The following PPARGC1A variants were observed in gnomAD, a reference collection of about 807,000 sequenced individuals.
PPARGC1A encodes the protein PPARG coactivator 1 alpha, also known as peroxisome proliferator-activated receptor gamma coactivator 1-alpha.
A neutral mutation model predicts 88.7 loss-of-function variants in PPARGC1A; 25 were observed. That is an observed-to-expected ratio of 0.28 (90% CI 0.21 to 0.39). The LOEUF is 0.39. PPARGC1A is among the 10% of genes least tolerant of loss of function. PPARGC1A has a pLI of 1.00. For synonymous variants in PPARGC1A, 363 were observed against 355.6 expected (o/e 1.02, Z -0.24); for missense variants, 880 against 968.7 (o/e 0.91, Z 1.22).
chr4:24,006,709 A>G, the PPARGC1A span, among the ~76,000 whole-genome samples: 1 of 151,990 alleles, frequency 6.6e-6, no homozygotes, highest in Non-Finnish European at 1.5e-5. Flanking sequence ...CATATGCCCA[A>G]TTGCTTGAAA....
chr4:24,222,214 T>A, the PPARGC1A span, among the ~76,000 whole-genome samples: 657 of 152,348 alleles, frequency 4.3e-3, 3 homozygotes, highest in Non-Finnish European at 7.1e-3. Context: ...CTCATTAGCA[T>A]AGAGTAGAAA....
the PPARGC1A span, among the ~76,000 whole-genome samples, chr4:24,427,278 A>C: frequency 2.8e-5 from 4 of 144,224 alleles, no homozygotes; most frequent in Admixed American, 1.4e-4. Context: ...TCTATTCTTT[A>C]TTTATTTTTT....
chr4:24,291,914 A>G, the PPARGC1A span, among the ~76,000 whole-genome samples: 1 of 152,226 alleles, frequency 6.6e-6, no homozygotes, highest in East Asian at 1.9e-4. Context: ...GAAAAAAGCT[A>G]TAGTAGCTGG....
chr4:24,064,910 A>G, the PPARGC1A span, among the ~76,000 whole-genome samples: 1 of 152,180 alleles, frequency 6.6e-6, no homozygotes, highest in Admixed American at 6.5e-5. Flanking sequence ...TTCAAAAAAT[A>G]AGGAAATATA....
the PPARGC1A span, among the ~76,000 whole-genome samples, chr4:24,224,413 C>A: frequency 1.3e-5 from 2 of 152,192 alleles, no homozygotes; most frequent in Admixed American, 1.3e-4. Flanking sequence ...GTGCATAGAA[C>A]ATCCTCAAGG....
At chr4:24,188,911 C>T in the PPARGC1A span, among the ~76,000 whole-genome samples, 143,530 of 152,146 alleles carry the variant, frequency 0.94, 68,096 homozygotes, top group Non-Finnish European at 0.99. Flanking sequence ...CATCAACAGA[C>T]GAATGAATAA....
the PPARGC1A span, among the ~76,000 whole-genome samples, chr4:24,381,044 C>T: frequency 1.3e-5 from 2 of 151,070 alleles, no homozygotes; most frequent in African/African-American, 2.4e-5. Context: ...GAGGAAGGAG[C>T]TCTGACAATT....
chr4:24,210,720 T>C, the PPARGC1A span, among the ~76,000 whole-genome samples: 5 of 152,348 alleles, frequency 3.3e-5, no homozygotes, highest in East Asian at 7.7e-4. Context: ...GGATTCATGC[T>C]TGATCATCTA....
At chr4:23,819,535 G>C (rs1237472877) in intron 7 of PPARGC1A, among the ~76,000 whole-genome samples, 1 of 152,118 alleles carries the variant, frequency 6.6e-6, no homozygotes, top group African/African-American at 2.4e-5. Flanking sequence ...TGGGTAAGGG[G>C]AACCTGGCAT....
the PPARGC1A span, among the ~76,000 whole-genome samples, chr4:24,251,835 T>A: frequency 6.6e-6 from 1 of 152,202 alleles, no homozygotes; most frequent in Admixed American, 6.5e-5. Flanking sequence ...TTCCAAGAGT[T>A]CATTACAGTG....
chr4:24,242,292 T>C, the PPARGC1A span, among the ~76,000 whole-genome samples: 1 of 152,210 alleles, frequency 6.6e-6, no homozygotes, highest in African/African-American at 2.4e-5. Flanking sequence ...TATAGGGCTC[T>C]AGGCCAGCTG....
the PPARGC1A span, among the ~76,000 whole-genome samples, chr4:24,469,016 A>C: frequency 6.6e-6 from 1 of 152,174 alleles, no homozygotes; most frequent in African/African-American, 2.4e-5. Context: ...CTTCATAAGC[A>C]CTATATAACA....
chr4:23,875,975 A>G (rs1382862454), intron 2 of PPARGC1A: 1 of 152,174 alleles, frequency 6.6e-6, no homozygotes, highest in African/African-American at 2.4e-5. Flanking sequence ...TTTTACCATT[A>G]TATCACCTAG....
At chr4:23,928,766 AAAACAAAAAAAAAC>A in the PPARGC1A span, among the ~76,000 whole-genome samples, 1 of 7,670 alleles carries the variant, frequency 1.3e-4, no homozygotes, top group African/African-American at 3.0e-4. Context: ...AAAAACAAAA[AAAACAAAAAAAAAC>A]AACAAAAAAA....
chr4:24,130,544 G>A, the PPARGC1A span, among the ~76,000 whole-genome samples: 1 of 152,018 alleles, frequency 6.6e-6, no homozygotes, highest in Non-Finnish European at 1.5e-5. Context: ...TGAAGAAACT[G>A]GGGTTCAGAG....
the PPARGC1A span, among the ~76,000 whole-genome samples, chr4:24,069,120 T>C: frequency 1.8e-4 from 27 of 152,346 alleles, no homozygotes; most frequent in East Asian, 5.0e-3. Flanking sequence ...GGCACTGTTA[T>C]GATCTCTACT....
the PPARGC1A span, among the ~76,000 whole-genome samples, chr4:24,342,952 G>A: frequency 6.6e-6 from 1 of 152,196 alleles, no homozygotes; most frequent in Non-Finnish European, 1.5e-5. Flanking sequence ...AACTGGGCTA[G>A]AGAGACTAGA....
the PPARGC1A span, among the ~76,000 whole-genome samples, chr4:24,217,460 G>A: frequency 6.6e-6 from 1 of 152,142 alleles, no homozygotes; most frequent in Non-Finnish European, 1.5e-5. Flanking sequence ...ATGAAGGTTT[G>A]GAGGGTGTTG....
the PPARGC1A span, among the ~76,000 whole-genome samples, chr4:24,256,522 A>G: frequency 6.6e-6 from 1 of 152,340 alleles, no homozygotes; most frequent in Non-Finnish European, 1.5e-5. Context: ...CACTCAGCTT[A>G]AAATAAACAG....
Sources: gnomAD v4.1 joint callset for allele counts (sites outside exome capture counted in the v4.1 genomes callset) on GRCh38, gnomAD v4.1.1 for gene constraint, MANE v1.5 for transcripts, NCBI Gene and HGNC (gene_info 2026-07-23, HGNC 2026-07-21) for gene names.